Variants in SAMD12 observed in about 807,000 individuals in gnomAD.
The protein encoded by SAMD12 is sterile alpha motif domain-containing protein 12.
A neutral mutation model predicts 15.0 loss-of-function variants in SAMD12; 9 were observed. The ratio of observed to expected loss-of-function variants is 0.60; its 90% CI spans 0.36 to 1.05. The LOEUF is 1.05. Among genes scored for constraint, SAMD12 ranks in the 50% least tolerant of loss-of-function variants. The probability of loss-of-function intolerance (pLI) is 0.01; values close to 1 mark genes in which losing one functional copy is unlikely to be tolerated. For synonymous variants in SAMD12, 86 were observed against 90.1 expected, an observed-to-expected ratio of 0.96 and a Z score of 0.25; for missense variants, 230 against 234.2, an observed-to-expected ratio of 0.98 and a Z score of 0.12.
chr8:118,588,969 A>G (rs761278955), intron 1 of SAMD12, among the ~76,000 whole-genome samples: 2 of 152,246 alleles, frequency 1.3e-5, no homozygotes, highest in African/African-American at 2.4e-5. Context: ...AAATTTCTAT[A>G]GAGGTCTTTT....
At chr8:118,152,196 G>C in the SAMD12 span, among the ~76,000 whole-genome samples, 1 of 152,160 alleles carries the variant, frequency 6.6e-6, no homozygotes, top group Non-Finnish European at 1.5e-5. Flanking sequence ...CTCAGAGAAA[G>C]AAAGGCCAAA....
intron 4 of SAMD12, among the ~76,000 whole-genome samples, chr8:118,243,929 A>T (rs1812627234): frequency 6.6e-6 from 1 of 152,150 alleles, no homozygotes; most frequent in Non-Finnish European, 1.5e-5. Context: ...TGGCTCCCAC[A>T]AGATGCACAA....
chr8:118,317,416 C>T (rs34727859), intron 4 of SAMD12, among the ~76,000 whole-genome samples: 75,243 of 152,028 alleles, frequency 0.49, 21,314 homozygotes, highest in African/African-American at 0.79. Flanking sequence ...CATAAATAAA[C>T]TGTGGGATGC....
At chr8:118,586,359 T>C (rs1827440535) in intron 1 of SAMD12, among the ~76,000 whole-genome samples, 1 of 150,968 alleles carries the variant, frequency 6.6e-6, no homozygotes, top group Non-Finnish European at 1.5e-5. Flanking sequence ...TTTTTTTTTT[T>C]TGAGACAGTG....
At chr8:118,152,906 A>G in the SAMD12 span, among the ~76,000 whole-genome samples, 4 of 152,222 alleles carry the variant, frequency 2.6e-5, no homozygotes, top group Admixed American at 2.6e-4. Context: ...ATTCATAATC[A>G]GAAGTGAATT....
chr8:118,410,646 A>G (rs977355997), intron 3 of SAMD12, among the ~76,000 whole-genome samples: 2 of 152,178 alleles, frequency 1.3e-5, no homozygotes, highest in Non-Finnish European at 2.9e-5. Context: ...GTTTCTGGCT[A>G]AGTCAAATCT....
intron 4 of SAMD12, among the ~76,000 whole-genome samples, chr8:118,309,223 A>G (rs1440787212): frequency 1.3e-5 from 2 of 152,112 alleles, no homozygotes; most frequent in Non-Finnish European, 2.9e-5. Flanking sequence ...ACTCCCACTT[A>G]TGAGTGAGAA....
At chr8:118,394,862 A>T (rs138437393) in intron 3 of SAMD12, 3 of 152,394 alleles carry the variant, frequency 2.0e-5, no homozygotes, top group African/African-American at 7.2e-5. Context: ...ACCATGATGA[A>T]GAAGATAACT....
intron 4 of SAMD12, among the ~76,000 whole-genome samples, chr8:118,283,509 G>A (rs781605583): frequency 6.6e-6 from 1 of 152,172 alleles, no homozygotes; most frequent in Non-Finnish European, 1.5e-5. Context: ...CACAAACTCT[G>A]TAAGTGGCCT....
At chr8:118,419,234 T>C (rs1821877067) in intron 3 of SAMD12, among the ~76,000 whole-genome samples, 1 of 152,054 alleles carries the variant, frequency 6.6e-6, no homozygotes, top group Non-Finnish European at 1.5e-5. Context: ...TCAGAGGAGC[T>C]GAGTACTGCC....
At chr8:118,200,399 G>T (rs552147623) in intron 4 of SAMD12, among the ~76,000 whole-genome samples, 1 of 43,254 alleles carries the variant, frequency 2.3e-5, no homozygotes, top group South Asian at 7.6e-4. Flanking sequence ...CCCTATTAGA[G>T]TACCAAAAAA....
intron 4 of SAMD12, among the ~76,000 whole-genome samples, chr8:118,236,075 A>T (rs550681962): frequency 7.8e-4 from 119 of 152,314 alleles, no homozygotes; most frequent in African/African-American, 2.6e-3. Flanking sequence ...ATTGTCAAGC[A>T]CTCAGGAATT....
At chr8:118,392,238 C>G (rs1328579208) in intron 3 of SAMD12, among the ~76,000 whole-genome samples, 1 of 152,074 alleles carries the variant, frequency 6.6e-6, no homozygotes, top group African/African-American at 2.4e-5. Context: ...ACCATCCTGG[C>G]CCACGTGGTG....
At chr8:118,362,221 A>G (rs539251563) in intron 4 of SAMD12, among the ~76,000 whole-genome samples, 51 of 152,312 alleles carry the variant, frequency 3.3e-4, no homozygotes, top group Non-Finnish European at 5.7e-4. Flanking sequence ...ATTAGAGACC[A>G]TTTATTTATG....
chr8:118,506,031 C>T (rs1824911956), intron 2 of SAMD12, among the ~76,000 whole-genome samples: 1 of 152,120 alleles, frequency 6.6e-6, no homozygotes, highest in Admixed American at 6.5e-5. Context: ...TTGCTTATTG[C>T]TCTAGTCTCT....
chr8:118,283,424 G>A (rs74822580), intron 4 of SAMD12, among the ~76,000 whole-genome samples: 2 of 152,296 alleles, frequency 1.3e-5, no homozygotes, highest in East Asian at 1.9e-4. Context: ...TTAGAAGGGA[G>A]TACGTAGCCT....
chr8:118,188,277 A>G (rs959939067), downstream of SAMD12, among the ~76,000 whole-genome samples: 2 of 152,152 alleles, frequency 1.3e-5, no homozygotes, highest in African/African-American at 4.8e-5. Context: ...GACAAAGAGA[A>G]TATTTTGTTT....
intron 4 of SAMD12, among the ~76,000 whole-genome samples, chr8:118,314,694 G>T (rs189100047): frequency 6.6e-6 from 1 of 152,184 alleles, no homozygotes; most frequent in East Asian, 1.9e-4. Context: ...ATTCCCTTGA[G>T]ATTTTTCCAG....
intron 4 of SAMD12, among the ~76,000 whole-genome samples, chr8:118,364,054 TG>T (rs1261073777): frequency 1.3e-5 from 2 of 152,202 alleles, no homozygotes; most frequent in East Asian, 3.8e-4. Flanking sequence ...TACCTAACTC[TG>T]AGACTTTAAT....
Sources: allele counts gnomAD v4.1 joint callset (sites outside exome capture counted in the v4.1 genomes callset), GRCh38; gene constraint gnomAD v4.1.1; transcripts MANE v1.5; gene names NCBI Gene and HGNC (gene_info 2026-07-23, HGNC 2026-07-21).